The following IARS2 variants were observed in gnomAD, a reference collection of about 807,000 sequenced individuals.
The protein encoded by IARS2 is isoleucyl-tRNA synthetase 2, mitochondrial, also known as isoleucine--tRNA ligase, mitochondrial.
A neutral mutation model predicts 126.3 loss-of-function variants in IARS2; 56 were observed. That is an observed-to-expected ratio of 0.44 (90% CI 0.36 to 0.55). The LOEUF (loss-of-function observed/expected upper bound fraction) is 0.55, where lower values mean the gene tolerates loss of function less well. Among genes scored for constraint, IARS2 ranks in the 20% least tolerant of loss-of-function variants. The pLI is 0.00. For missense variants in IARS2, 1,127 were observed against 1,245.9 expected (o/e 0.90, Z 1.44); for synonymous variants, 407 against 441.1 (o/e 0.92, Z 0.97).
rs762550728 is a variant in IARS2, at chr1:220,145,509, A to C, written c.2752A>C (p.Met918Leu). 1 of 1,602,514 alleles carries C rather than the reference A, an allele frequency of 6.2e-7. No homozygotes were observed. Among genetic ancestry groups the C allele is most frequent in the South Asian group, 1.1e-5 (1 of 89,094 alleles). ...GTAACTTTCACATGCTTCCTTCCAG[A>C]TGCTGCAGTCTGAAGAGACTTCCAG... ...EPGLLFEIIE[M>L]LQSEETSSTS... The change falls in exon 22 of 23, where the codon ATG becomes CTG. Residue 918 changes from methionine to leucine, a missense_variant and splice_region_variant. By Grantham distance (15) the Met-to-Leu change is conservative (BLOSUM62 2). Transcript: ENST00000366922.
intron 2 of IARS2, among the ~76,000 whole-genome samples, chr1:220,097,960 C>T (rs745857976): frequency 1.1e-4 from 16 of 152,140 alleles, no homozygotes; most frequent in Middle Eastern, 3.4e-3. Flanking sequence ...CTGCAAGCTC[C>T]GTCTCCCGGG....
intron 14 of IARS2, among the ~76,000 whole-genome samples, chr1:220,127,119 G>T (rs1162463225): frequency 6.6e-6 from 1 of 152,028 alleles, no homozygotes; most frequent in Non-Finnish European, 1.5e-5. Flanking sequence ...ATTCTCCTTG[G>T]CCACTTGGCA....
intron 1 of IARS2, 137 bp from the exon 2 acceptor site, chr1:220,095,967 A>G: frequency 1.1e-5 from 6 of 558,972 alleles, no homozygotes; most frequent in Non-Finnish European, 1.9e-5. Context: ...CTTGTATTTC[A>G]GAGTTGAGTA....
intron 11 of IARS2, 77 bp downstream of exon 11, chr1:220,111,014 T>C: frequency 7.2e-7 from 1 of 1,391,924 alleles, no homozygotes; most frequent in Non-Finnish European, 9.9e-7. Context: ...GAGGTTGAGG[T>C]GGGGTTTCAG....
chr1:220,105,847 T>G, intron 8 of IARS2, 44 bp from the exon 9 acceptor site: 1 of 1,522,416 alleles, frequency 6.6e-7, no homozygotes, highest in Non-Finnish European at 9.1e-7. Context: ...GAGATAGATT[T>G]GCCATATAAA....
intron 10 of IARS2, 68 bp from the exon 11 acceptor site, chr1:220,110,718 T>G: frequency 2.4e-6 from 3 of 1,250,934 alleles, no homozygotes; most frequent in Non-Finnish European, 3.4e-6. Flanking sequence ...TTCTGGAAGT[T>G]TAGAGCATTT....
rs779404016 is a variant in IARS2, at chr1:220,094,493, C to G, written c.267+10C>G. 21 of 1,581,824 alleles carry G rather than the reference C, an allele frequency of 1.3e-5. No homozygotes were observed. The African/African-American group carries it at 2.6e-4, about 20-fold the overall frequency. On this transcript the variant is annotated intron_variant, in intron 1 of 22. Transcript: ENST00000366922. ...GCTGGAGATCCAGCAGGTACGGGCC[C>G]CGCCTCGGCGCGGGGCCTCCAGAGA...
chr1:220,144,995 G>A (rs1042859914), intron 21 of IARS2, among the ~76,000 whole-genome samples: 3 of 151,224 alleles, frequency 2.0e-5, no homozygotes, highest in Admixed American at 6.6e-5. Flanking sequence ...AGTGTTCTGC[G>A]TATTGTTCAG....
At chr1:220,138,637 A>G (rs1246937938) in intron 17 of IARS2, among the ~76,000 whole-genome samples, 4 of 151,982 alleles carry the variant, frequency 2.6e-5, no homozygotes, top group African/African-American at 9.7e-5. Context: ...TATGTACTCA[A>G]TAACCTTTCA....
At chr1:220,109,724 A>G (rs1460163771) in intron 10 of IARS2, among the ~76,000 whole-genome samples, 1 of 152,090 alleles carries the variant, frequency 6.6e-6, no homozygotes, top group Non-Finnish European at 1.5e-5. Context: ...CCTCATCTAA[A>G]CTTGATTACA....
intron 12 of IARS2, among the ~76,000 whole-genome samples, chr1:220,122,138 A>G (rs1193310793): frequency 1.3e-5 from 2 of 152,206 alleles, no homozygotes; most frequent in African/African-American, 4.8e-5. Flanking sequence ...TGTTTCATCT[A>G]TAGTCATAAC....
At chr1:220,126,106 CA>C (rs372363841) in intron 13 of IARS2, among the ~76,000 whole-genome samples, 1,186 of 81,452 alleles carry the variant, frequency 0.015, 9 homozygotes, top group Non-Finnish European at 0.019. Context: ...AACTCTGTCT[CA>C]AAAAAAAAAA....
At position 220,114,338 on chromosome 1, in the gene IARS2, A is replaced by G. The variant is rs747014267; in HGVS notation, c.1504A>G (p.Ile502Val). Residue 502 changes from isoleucine (I) to valine (V), a missense_variant, in exon 12 of 23, where the codon ATT becomes GTT. Physicochemically the swap from Ile to Val is conservative, Grantham distance 29. Transcript: ENST00000366922. ...GGAATTGTTAAAAAAGGTGAAATTT[A>G]TTCCTGGATCAGCACTGAATGGCAT... is the stretch of plus-strand genomic sequence containing the variant. ...AKELLKKVKF[I>V]PGSALNGMVE... 6.2e-7 allele frequency: 1 copy of G among 1,613,978 alleles called. No homozygotes were observed. The highest frequency in any genetic ancestry group is 8.5e-7 in the Non-Finnish European group (1 of 1,179,868).
rs79922039 is a variant in IARS2, at chr1:220,105,979, A to G, written c.1155A>G (p.Ala385=). 5.6e-6 allele frequency: 9 copies of G among 1,614,130 alleles called. No individual in the cohort carries two copies. In the African/African-American group the frequency reaches 1.1e-4, roughly 19 times the overall value. The change falls in exon 9 of 23, where the codon GCA becomes GCG. Residue 385 remains alanine, a synonymous_variant. Coordinates refer to ENST00000366922, the MANE Select transcript of IARS2 (RefSeq NM_018060.4). Reference sequence around the variant, plus strand: ...TACCTGCAAATCATGTGACCATGGCAAAAGGAACGGGATTGGTTCACACAG... The same window carrying G: ...TACCTGCAAATCATGTGACCATGGCGAAAGGAACGGGATTGGTTCACACAG... The part of the protein sequence containing the change: ...PLLPANHVTM[A]KGTGLVHTAP...
intron 11 of IARS2, among the ~76,000 whole-genome samples, 161 bp from the exon 12 acceptor site, chr1:220,114,153 G>A (rs1177821081): frequency 6.6e-6 from 1 of 152,086 alleles, no homozygotes; most frequent in Non-Finnish European, 1.5e-5. Context: ...TATTTGCTCT[G>A]AAATCTTTTA....
At chr1:220,105,560 A>G (rs924747005) in intron 8 of IARS2, among the ~76,000 whole-genome samples, 1 of 152,186 alleles carries the variant, frequency 6.6e-6, no homozygotes, top group Non-Finnish European at 1.5e-5. Context: ...CTTTCCGGAA[A>G]AAAATGAATT....
intron 22 of IARS2, among the ~76,000 whole-genome samples, chr1:220,147,273 C>CA (rs1208871366): frequency 1.3e-5 from 2 of 152,124 alleles, no homozygotes; most frequent in Non-Finnish European, 2.9e-5. Context: ...CAGTTAATCT[C>CA]AGAGTCACGG....
intron 10 of IARS2, among the ~76,000 whole-genome samples, chr1:220,109,030 G>A (rs1656746028): frequency 6.6e-6 from 1 of 152,046 alleles, no homozygotes; most frequent in African/African-American, 2.4e-5. Context: ...GCTGCAGGAT[G>A]TACACCTGAC....
intron 19 of IARS2, among the ~76,000 whole-genome samples, chr1:220,141,014 G>A (rs567127778): frequency 3.3e-5 from 5 of 151,408 alleles, no homozygotes; most frequent in East Asian, 3.9e-4. Context: ...ATTGGGTTCC[G>A]GAGTCAAGTC....
Sources: allele counts gnomAD v4.1 joint callset (sites outside exome capture counted in the v4.1 genomes callset), GRCh38; gene constraint gnomAD v4.1.1; transcripts MANE v1.5; gene names NCBI Gene and HGNC (gene_info 2026-07-23, HGNC 2026-07-21).